RUNX1T1: variants seen among roughly 807,000 people sequenced by gnomAD.
RUNX1T1 encodes the protein protein CBFA2T1.
Under a neutral mutation model 62.8 loss-of-function variants are expected in RUNX1T1, and 4 were observed. That is an observed-to-expected ratio of 0.06 (90% CI 0.03 to 0.15). RUNX1T1 has a LOEUF of 0.15. Ranked by LOEUF, RUNX1T1 falls within the 10% of genes least tolerant of loss-of-function variation. The pLI, the probability that RUNX1T1 is intolerant of heterozygous loss-of-function variation, is 1.00. For missense variants in RUNX1T1, 508 were observed against 754.3 expected, an observed-to-expected ratio of 0.67 and a Z score of 3.82; for synonymous variants, 291 against 286.0, an observed-to-expected ratio of 1.02 and a Z score of -0.18.
At position 92,095,161 on chromosome 8, in the gene RUNX1T1, C is replaced by A. The variant is rs544878812; in HGVS notation, c.-86+4419G>T. 8 of 1,535,296 alleles carry A rather than the reference C, an allele frequency of 5.2e-6. No homozygotes were observed. The highest frequency in any genetic ancestry group is 6.1e-6 in the Non-Finnish European group (7 of 1,146,924). On this transcript the variant is annotated intron_variant, in intron 1 of 11. Transcript: ENST00000265814. ...CTCTGCTAATCTTTAAATGTAAATTCTCTCCGCCAGCTAAGAGGAGCGACA... is the reference window on the plus strand; with the variant it reads ...CTCTGCTAATCTTTAAATGTAAATTATCTCCGCCAGCTAAGAGGAGCGACA...
chr8:91,970,879 A>T, intron 9 of RUNX1T1, 31 bp from the exon 11 acceptor site: 1 of 1,543,252 alleles, frequency 6.5e-7, no homozygotes, highest in Non-Finnish European at 8.7e-7. Flanking sequence ...ACCAGACAAG[A>T]AAACACCTCT....
At chr8:91,997,359 A>AT (rs1172619588) in intron 5 of RUNX1T1, among the ~76,000 whole-genome samples, 6 of 151,962 alleles carry the variant, frequency 3.9e-5, no homozygotes, top group East Asian at 1.9e-4. Context: ...CTACATTAAC[A>AT]TTTTTTTTAA....
At chr8:92,087,277 C>A (rs1836272836) in intron 1 of RUNX1T1, among the ~76,000 whole-genome samples, 1 of 152,088 alleles carries the variant, frequency 6.6e-6, no homozygotes, top group Non-Finnish European at 1.5e-5. Flanking sequence ...GCTTGATATT[C>A]AAGACATTTA....
chr8:92,054,027 C>G (rs1830630200), intron 1 of RUNX1T1, among the ~76,000 whole-genome samples: 1 of 148,392 alleles, frequency 6.7e-6, no homozygotes, highest in South Asian at 2.1e-4. Context: ...TACAAAGAAA[C>G]ATGAAAATCA....
At chr8:92,007,439 T>C (rs1004109512) in intron 4 of RUNX1T1, among the ~76,000 whole-genome samples, 4 of 151,594 alleles carry the variant, frequency 2.6e-5, no homozygotes, top group African/African-American at 9.7e-5. Context: ...CACACTTGCC[T>C]GGGCAACAGA....
chr8:92,077,306 T>C (rs538889654), intron 1 of RUNX1T1, among the ~76,000 whole-genome samples: 64 of 152,104 alleles, frequency 4.2e-4, no homozygotes, highest in Admixed American at 7.9e-4. Context: ...CAGCTGGATC[T>C]TGGAAACATT....
At chr8:91,970,038 G>GT (rs1212984200) in intron 10 of RUNX1T1, among the ~76,000 whole-genome samples, 306 of 56,710 alleles carry the variant, frequency 5.4e-3, no homozygotes, top group South Asian at 9.4e-3. Context: ...GTGTGTGTGT[G>GT]TGTGTTGTGT....
chr8:92,072,549 GAGA>G (rs1388552233), intron 2 of RUNX1T1, among the ~76,000 whole-genome samples: 2 of 152,220 alleles, frequency 1.3e-5, no homozygotes, highest in Admixed American at 6.5e-5. Flanking sequence ...GACCAAAAGA[GAGA>G]AGAATACAAA....
In RUNX1T1 at chr8:91,986,257, T is replaced by C. The variant is rs1309755302; in HGVS notation, c.1065A>G (p.Gln355=). 7 of 1,613,920 alleles carry C rather than the reference T, an allele frequency of 4.3e-6. No homozygotes were observed. In the Admixed American group the frequency reaches 1.2e-4, roughly 27 times the overall value. Residue 355 remains glutamine, a synonymous_variant, in exon 8 of 11, where the codon CAA becomes CAG. Transcript: ENST00000396218. ...AATTCAATTCTTCCCGGTCTGCTTC[T>C]TGACACCGCCTTAGTACGGTGAGAG...
At chr8:92,042,365 T>C (rs564108702) in intron 1 of RUNX1T1, among the ~76,000 whole-genome samples, 16 of 152,276 alleles carry the variant, frequency 1.1e-4, no homozygotes, top group African/African-American at 3.6e-4. Flanking sequence ...CCAGGCTGGA[T>C]TGCAATGGTG....
chr8:91,989,205 G>A (rs1218217556), intron 6 of RUNX1T1, among the ~76,000 whole-genome samples: 1 of 152,094 alleles, frequency 6.6e-6, no homozygotes, highest in African/African-American at 2.4e-5. Flanking sequence ...ATTCTCGTGA[G>A]TATATGTCCC....
At chr8:92,091,133 C>T (rs774306179) in intron 1 of RUNX1T1, among the ~76,000 whole-genome samples, 5 of 152,228 alleles carry the variant, frequency 3.3e-5, no homozygotes, top group East Asian at 1.9e-4. Context: ...GGAGACACAA[C>T]GGGAAAACTT....
rs374748803 is a variant in RUNX1T1, at chr8:92,021,178, G to A, written c.8-3815C>T. On this transcript the variant is annotated intron_variant, in intron 1 of 10. Coordinates refer to ENST00000396218, the Ensembl canonical transcript of RUNX1T1. ...AAGTGTTGGCTAAGCTAGAAGGTAT[G>A]TACTAGAGAGGATAAGCCAAAGTGA... is the stretch of plus-strand genomic sequence containing the variant. 1.1e-4 allele frequency among the ~76,000 whole-genome samples: 16 copies of A among 152,306 alleles called. No homozygotes were observed. The East Asian group carries it at 1.4e-3, about 13-fold the overall frequency.
At chr8:92,067,336 C>T (rs1008261900), upstream of RUNX1T1, among the ~76,000 whole-genome samples, 1 of 152,190 alleles carries the variant, frequency 6.6e-6, no homozygotes, top group Non-Finnish European at 1.5e-5. Flanking sequence ...TTTAGAAATC[C>T]TCATCTACCA....
At chr8:92,039,932 C>A (rs1171404751) in intron 1 of RUNX1T1, among the ~76,000 whole-genome samples, 1 of 152,148 alleles carries the variant, frequency 6.6e-6, no homozygotes, top group African/African-American at 2.4e-5. Context: ...TACTACAAAT[C>A]TCATCTTCTT....
At chr8:92,062,101 T>C (rs1344310509) in intron 1 of RUNX1T1, among the ~76,000 whole-genome samples, 1 of 152,206 alleles carries the variant, frequency 6.6e-6, no homozygotes, top group African/African-American at 2.4e-5. Context: ...TTCCTTCACT[T>C]TCTCTGACAT....
At chr8:92,070,947 A>G (rs1178099669) in intron 2 of RUNX1T1, among the ~76,000 whole-genome samples, 1 of 152,234 alleles carries the variant, frequency 6.6e-6, no homozygotes, top group Non-Finnish European at 1.5e-5. Context: ...AACCCACAGC[A>G]AAGACATTTC....
At chr8:92,033,672 C>T (rs931321548) in intron 1 of RUNX1T1, among the ~76,000 whole-genome samples, 1 of 152,092 alleles carries the variant, frequency 6.6e-6, no homozygotes, top group African/African-American at 2.4e-5. Context: ...CAGCTAAATA[C>T]AAAAATTAAA....
chr8:91,970,880 AAAC>A, intron 9 of RUNX1T1, 32 bp from the exon 11 acceptor site: 1 of 1,542,560 alleles, frequency 6.5e-7, no homozygotes. Flanking sequence ...CCAGACAAGA[AAAC>A]ACCTCTCAGT....
Sources: allele counts gnomAD v4.1 joint callset (sites outside exome capture counted in the v4.1 genomes callset), GRCh38; gene constraint gnomAD v4.1.1; transcripts MANE v1.5; gene names NCBI Gene and HGNC (gene_info 2026-07-23, HGNC 2026-07-21).